The following NAV3 variants were observed in gnomAD, a reference collection of about 807,000 sequenced individuals.
NAV3 encodes the protein pore membrane and/or filament interacting like protein 1.
A neutral mutation model predicts 244.7 loss-of-function variants in NAV3; 87 were observed. The observed-to-expected ratio is 0.36, with a 90% confidence interval of 0.30 to 0.42. The LOEUF is 0.42. NAV3 is among the 20% of genes least tolerant of loss of function. The probability of loss-of-function intolerance (pLI) is 1.00; values close to 1 mark genes in which losing one functional copy is unlikely to be tolerated. For synonymous variants in NAV3, 1,126 were observed against 1,042.2 expected (o/e 1.08, Z -1.55); for missense variants, 2,663 against 2,893.3 (o/e 0.92, Z 1.83).
chr12:77,701,894 T>G (rs561130890), intron 2 of NAV3, among the ~76,000 whole-genome samples: 1 of 152,038 alleles, frequency 6.6e-6, no homozygotes, highest in Non-Finnish European at 1.5e-5. Context: ...TAGCCCAGCC[T>G]ATGGTTTACC....
intron 2 of NAV3, among the ~76,000 whole-genome samples, chr12:77,649,017 T>A (rs1352701461): frequency 1.3e-5 from 2 of 152,138 alleles, no homozygotes; most frequent in Non-Finnish European, 2.9e-5. Context: ...TTATTCTCAG[T>A]AGCTGGGCTT....
chr12:77,867,894 T>A (rs1270843186), intron 1 of NAV3, among the ~76,000 whole-genome samples: 1 of 152,212 alleles, frequency 6.6e-6, no homozygotes, highest in Non-Finnish European at 1.5e-5. Flanking sequence ...CCTAGTAGAT[T>A]GCTGGGCAAG....
chr12:77,627,168 AT>A (rs1295555639), intron 2 of NAV3, among the ~76,000 whole-genome samples: 2 of 152,150 alleles, frequency 1.3e-5, no homozygotes, highest in Non-Finnish European at 2.9e-5. Flanking sequence ...AAAGATACAC[AT>A]TGACTGAAAG....
At chr12:78,177,035 A>G (rs1385706892) in intron 26 of NAV3, 106 bp from the exon 27 acceptor site, 9 of 1,068,616 alleles carry the variant, frequency 8.4e-6, no homozygotes, top group South Asian at 1.3e-5. Flanking sequence ...GCTTGTACAT[A>G]CTGACCCCAG....
At chr12:77,645,917 A>T (rs911975472) in intron 2 of NAV3, among the ~76,000 whole-genome samples, 15 of 152,082 alleles carry the variant, frequency 9.9e-5, no homozygotes, top group Non-Finnish European at 2.1e-4. Context: ...AGGCAAAGTG[A>T]TGCTTTGTGG....
intron 2 of NAV3, chr12:77,775,741 T>A (rs1359106197): frequency 6.6e-6 from 1 of 152,206 alleles, no homozygotes; most frequent in Non-Finnish European, 1.5e-5. Context: ...TACTATGAGG[T>A]AAGTCACAAA....
chr12:77,608,910 G>T (rs1384112610), intron 2 of NAV3, among the ~76,000 whole-genome samples: 1 of 151,970 alleles, frequency 6.6e-6, no homozygotes, highest in African/African-American at 2.4e-5. Context: ...ATTGGCCTCA[G>T]TTTCCCCATT....
intron 2 of NAV3, among the ~76,000 whole-genome samples, chr12:77,754,858 T>A (rs1430160186): frequency 6.6e-6 from 1 of 152,188 alleles, no homozygotes; most frequent in Non-Finnish European, 1.5e-5. Context: ...CTTATAATAC[T>A]GTTATTTGGC....
At chr12:77,751,009 T>G (rs1194811499) in intron 2 of NAV3, among the ~76,000 whole-genome samples, 1 of 152,224 alleles carries the variant, frequency 6.6e-6, no homozygotes, top group African/African-American at 2.4e-5. Context: ...GAGAATTTTC[T>G]TTTTCTCTTT....
chr12:77,831,837 C>T, intron 1 of NAV3, 133 bp downstream of exon 1: 1 of 960,972 alleles, frequency 1.0e-6, no homozygotes, highest in Non-Finnish European at 1.5e-6. Context: ...GTTATAATGG[C>T]TGAAAAGCTG....
intron 8 of NAV3, among the ~76,000 whole-genome samples, chr12:78,009,487 A>G (rs1028424689): frequency 7.4e-5 from 11 of 148,472 alleles, no homozygotes; most frequent in African/African-American, 2.7e-4. Context: ...AAAAAGGGCG[A>G]TAGAATATGT....
At chr12:77,720,275 A>C (rs1397863971) in intron 2 of NAV3, among the ~76,000 whole-genome samples, 1 of 152,050 alleles carries the variant, frequency 6.6e-6, no homozygotes, top group Non-Finnish European at 1.5e-5. Context: ...TACGATCTAC[A>C]CATTTGAAAA....
intron 2 of NAV3, among the ~76,000 whole-genome samples, chr12:77,636,229 G>A (rs1465168301): frequency 6.6e-6 from 1 of 152,068 alleles, no homozygotes; most frequent in Non-Finnish European, 1.5e-5. Context: ...ACTTTGGCAG[G>A]CCAAGGCTCC....
intron 1 of NAV3, among the ~76,000 whole-genome samples, chr12:77,858,672 T>C (rs1345628900): frequency 6.6e-6 from 1 of 152,014 alleles, no homozygotes; most frequent in Non-Finnish European, 1.5e-5. Context: ...ACCACTTTTC[T>C]TCAGGGAAGG....
intron 1 of NAV3, among the ~76,000 whole-genome samples, chr12:77,924,333 A>G (rs1887988457): frequency 6.6e-6 from 1 of 152,140 alleles, no homozygotes; most frequent in African/African-American, 2.4e-5. Flanking sequence ...TACATTGGTG[A>G]TATCTAGTCC....
At chr12:77,806,180 A>C (rs1871970567) in intron 2 of NAV3, among the ~76,000 whole-genome samples, 2 of 151,974 alleles carry the variant, frequency 1.3e-5, no homozygotes. Context: ...TTCTGCTCTG[A>C]TCTTCGTTAT....
At chr12:77,919,436 T>C (rs1887490591) in intron 1 of NAV3, among the ~76,000 whole-genome samples, 1 of 152,072 alleles carries the variant, frequency 6.6e-6, no homozygotes, top group East Asian at 1.9e-4. Context: ...GCTTAACTTC[T>C]GAAAATGCTC....
intron 8 of NAV3, among the ~76,000 whole-genome samples, chr12:78,008,047 A>G (rs1874544958): frequency 6.6e-6 from 1 of 152,172 alleles, no homozygotes; most frequent in Admixed American, 6.5e-5. Flanking sequence ...CATGCATATA[A>G]CATGTTTACT....
intron 12 of NAV3, among the ~76,000 whole-genome samples, chr12:78,105,554 T>G (rs1954758525): frequency 6.6e-6 from 1 of 152,114 alleles, no homozygotes; most frequent in Non-Finnish European, 1.5e-5. Flanking sequence ...TTAGTGAATT[T>G]TCCAATAAAA....
Sources: allele counts gnomAD v4.1 joint callset (sites outside exome capture counted in the v4.1 genomes callset), GRCh38; gene constraint gnomAD v4.1.1; transcripts MANE v1.5; gene names NCBI Gene and HGNC (gene_info 2026-07-23, HGNC 2026-07-21).